The following BMP7 variants were observed in gnomAD, a reference collection of about 807,000 sequenced individuals.
BMP7 encodes bone morphogenetic protein 7.
A neutral mutation model predicts 41.2 loss-of-function variants in BMP7; 12 were observed. The observed-to-expected ratio is 0.29, with a 90% confidence interval of 0.19 to 0.47. BMP7 has a LOEUF of 0.47. Ranked by LOEUF, BMP7 falls within the 20% of genes least tolerant of loss-of-function variation. The pLI is 0.99. For synonymous variants in BMP7, 248 were observed against 250.0 expected, an observed-to-expected ratio of 0.99 and a Z score of 0.07; for missense variants, 467 against 606.0, an observed-to-expected ratio of 0.77 and a Z score of 2.41.
intron 1 of BMP7, among the ~76,000 whole-genome samples, chr20:57,249,190 T>A (rs2066102380): frequency 6.6e-6 from 1 of 152,114 alleles, no homozygotes; most frequent in African/African-American, 2.4e-5. Flanking sequence ...TAGTATCTGC[T>A]GTCCCAGAGG....
intron 1 of BMP7, among the ~76,000 whole-genome samples, chr20:57,241,089 A>G (rs1454048225): frequency 6.6e-6 from 1 of 152,138 alleles, no homozygotes; most frequent in African/African-American, 2.4e-5. Context: ...AGATGAGGAC[A>G]CTGAGGCTCA....
At chr20:57,203,460 G>T (rs1177715937) in intron 2 of BMP7, among the ~76,000 whole-genome samples, 2 of 151,810 alleles carry the variant, frequency 1.3e-5, no homozygotes, top group Admixed American at 6.6e-5. Flanking sequence ...TGAATGGATG[G>T]GTAGATGAGT....
intron 2 of BMP7, among the ~76,000 whole-genome samples, chr20:57,223,958 T>A (rs1470512226): frequency 6.6e-6 from 1 of 152,202 alleles, no homozygotes; most frequent in Non-Finnish European, 1.5e-5. Context: ...GTGAGGGGGC[T>A]GCATCGTTCC....
Position 57,266,231 on chromosome 20 carries a change from G to C in BMP7, c.-109C>G. ...GCCGCTCGGTCACTTGCTGCAGACG[G>C]GCCCCGCTGCGCCCGCGCCAGACAT... On this transcript the variant is annotated 5_prime_UTR_variant, in exon 1 of 7. Coordinates refer to ENST00000395863, the MANE Select transcript of BMP7 (RefSeq NM_001719.3). 1 of 1,162,844 alleles carries C rather than the reference G, an allele frequency of 8.6e-7. No individual in the cohort carries two copies. The allele number at this position is 1,162,844 out of a possible 1,614,324, so 72.0% of individuals were successfully genotyped here. A position where few individuals can be genotyped will look rare whatever the true frequency, so the allele number is the denominator to read the frequency against.
chr20:57,265,641 C>T, intron 1 of BMP7, 64 bp downstream of exon 1: 1 of 1,550,180 alleles, frequency 6.5e-7, no homozygotes, highest in Non-Finnish European at 8.7e-7. Context: ...AGAAGCGGCT[C>T]CCTCCCTCCC....
intron 3 of BMP7, among the ~76,000 whole-genome samples, chr20:57,192,746 G>T (rs1984400647): frequency 6.7e-6 from 1 of 149,252 alleles, no homozygotes; most frequent in Non-Finnish European, 1.5e-5. Context: ...CCCAAGAATA[G>T]CAGATTTTGA....
Position 57,259,668 on chromosome 20 carries a change from C to T in BMP7, c.418+6037G>A, listed in dbSNP as rs1412985886. Among the ~76,000 whole-genome samples the T allele has an allele frequency of 1.3e-5, 2 of 152,214 alleles. No individual in the cohort carries two copies. The highest frequency in any genetic ancestry group is 4.8e-5 in the African/African-American group (2 of 41,456). ...GGCTTTGCGCGGCTCCCCACAATGC[C>T]TTCCGACACAAATGTTGAAAAGGCG... On this transcript the variant is annotated intron_variant, in intron 1 of 6. Transcript: ENST00000395863. This position sits in a 1 kb window ranked among gnomAD's most constrained non-coding sequence, Gnocchi z 4.7.
intron 1 of BMP7, among the ~76,000 whole-genome samples, chr20:57,256,401 G>C (rs2066134484): frequency 6.6e-6 from 1 of 151,966 alleles, no homozygotes. Flanking sequence ...GGTGTCATCT[G>C]TGCCATTTCC....
chr20:57,245,053 T>G (rs578177523), intron 1 of BMP7, among the ~76,000 whole-genome samples: 1 of 152,280 alleles, frequency 6.6e-6, no homozygotes, highest in South Asian at 2.1e-4. Flanking sequence ...AATAAGAGTC[T>G]TCTTTAAAGC....
rs1421269403 is a variant in BMP7 at position 57,266,079 on chromosome 20, A to G, written c.44T>C (p.Val15Ala). Residue 15 changes from valine (V) to alanine (A), a missense_variant, in exon 1 of 7, where the codon GTG becomes GCG. This residue lies in a region of BMP7 where 407 missense variants were observed against 485.9 expected (regional missense o/e 0.84). Coordinates refer to ENST00000395863, the MANE Select transcript of BMP7 (RefSeq NM_001719.3). ...SLRAAAPHSF[V>A]ALWAPLFLLR... ...CAGGAACAGGGGTGCCCAGAGCGCC[A>G]CGAAGCTGTGCGGCGCCGCAGCTCG... The G allele has an allele frequency of 1.9e-6, 3 of 1,538,576 alleles. No individual in the cohort carries two copies. The highest frequency in any genetic ancestry group is 2.0e-5 in the Admixed American group (1 of 50,988).
At chr20:57,264,272 G>T (rs2066165141) in intron 1 of BMP7, among the ~76,000 whole-genome samples, 1 of 152,202 alleles carries the variant, frequency 6.6e-6, no homozygotes, top group South Asian at 2.1e-4. Flanking sequence ...CACGCCCCAG[G>T]TGCCCAGCGT....
In BMP7 at chr20:57,205,086, C is replaced by T. The variant is rs545053823; in HGVS notation, c.612-2463G>A. Among the ~76,000 whole-genome samples the T allele has an allele frequency of 2.0e-3, 311 of 152,266 alleles. 1 individual carries two copies. Among genetic ancestry groups the T allele is most frequent in the Non-Finnish European group, 3.6e-3 (248 of 68,010 alleles). ...CTTCACCAGACACTGACCCTGCCAG[C>T]GCCTAGATCTTGGACTTCCCAGTCT... On this transcript the variant is annotated intron_variant, in intron 2 of 6. Coordinates refer to ENST00000395863, the MANE Select transcript of BMP7 (RefSeq NM_001719.3).
intron 2 of BMP7, among the ~76,000 whole-genome samples, chr20:57,218,521 G>A (rs183035128): frequency 3.5e-4 from 53 of 151,734 alleles, no homozygotes; most frequent in African/African-American, 1.1e-3. Context: ...GCTGGTGTTC[G>A]GAGGTAGCTG....
chr20:57,228,514 T>A lies in BMP7; in HGVS notation c.419-93A>T. On this transcript the variant is annotated intron_variant, in intron 1 of 6. Coordinates refer to ENST00000395863, the MANE Select transcript of BMP7 (RefSeq NM_001719.3). The surrounding 1 kb of genome is among the most constrained non-coding windows in gnomAD (Gnocchi z 4.5). ...CTGAGTCCAAGCATCTTGCCTAAGC[T>A]AGATGGAGGCATGCCCATTGCCAGT... The A allele has an allele frequency of 3.5e-6, 5 of 1,445,698 alleles. No homozygotes were observed. Among genetic ancestry groups the A allele is most frequent in the African/African-American group, 1.4e-5 (1 of 71,648 alleles). 89.6% of individuals were successfully genotyped at this position (1,445,698 alleles called of 1,614,324 possible). A position where few individuals can be genotyped will look rare whatever the true frequency, so the allele number is the denominator to read the frequency against.
At chr20:57,256,488 G>A (rs757921042) in intron 1 of BMP7, among the ~76,000 whole-genome samples, 26 of 152,180 alleles carry the variant, frequency 1.7e-4, no homozygotes, top group Non-Finnish European at 3.5e-4. Context: ...GGTCAGGTTT[G>A]GCCACATGGC....
chr20:57,204,180 G>A (rs1318160700), intron 2 of BMP7, among the ~76,000 whole-genome samples: 3 of 152,110 alleles, frequency 2.0e-5, no homozygotes, highest in South Asian at 2.1e-4. Flanking sequence ...AGTCAACCTC[G>A]TTGGAATGTA....
At chr20:57,218,980 GTGTTTGGTGGTAGCTGGGTT>G (rs1465822818) in intron 2 of BMP7, among the ~76,000 whole-genome samples, 3,365 of 148,832 alleles carry the variant, frequency 0.023, 48 homozygotes, top group Middle Eastern at 0.026. Context: ...GTGATAGCTG[GTGTTTGGTGGTAGCTGGGTT>G]TGTTTGGTGG....
chr20:57,244,951 G>A (rs956123845), intron 1 of BMP7, among the ~76,000 whole-genome samples: 4 of 152,226 alleles, frequency 2.6e-5, no homozygotes, highest in Admixed American at 2.6e-4. Context: ...GGTTCCATCA[G>A]CCTAAACTCA....
intron 1 of BMP7, among the ~76,000 whole-genome samples, chr20:57,265,486 C>T (rs553159045): frequency 1.3e-4 from 20 of 152,384 alleles, no homozygotes; most frequent in African/African-American, 4.6e-4. Flanking sequence ...TCCCTCCTTC[C>T]CAGTAACCCC....
Sources: gnomAD v4.1 joint callset for allele counts (sites outside exome capture counted in the v4.1 genomes callset) on GRCh38, gnomAD v4.1.1 for gene constraint, gnomAD v4.1.1 regional missense constraint, Gnocchi (gnomAD v3.1) non-coding constraint, MANE v1.5 for transcripts, NCBI Gene and HGNC (gene_info 2026-07-23, HGNC 2026-07-21) for gene names.